The following RNF111 variants were observed in gnomAD, a reference collection of about 807,000 sequenced individuals.
RNF111 encodes the protein E3 ubiquitin-protein ligase Arkadia.
Under a neutral mutation model 95.1 loss-of-function variants are expected in RNF111, and 17 were observed. The ratio of observed to expected loss-of-function variants is 0.18; its 90% confidence interval spans 0.12 to 0.27. The LOEUF is 0.27. Ranked by LOEUF, RNF111 falls within the 10% of genes least tolerant of loss-of-function variation. The pLI is 1.00. For missense variants in RNF111, 1,189 were observed against 1,210.4 expected (o/e 0.98, Z 0.26); for synonymous variants, 440 against 414.8 (o/e 1.06, Z -0.74).
intron 1 of RNF111, among the ~76,000 whole-genome samples, chr15:58,991,401 G>T (rs2038810778): frequency 6.6e-6 from 1 of 152,180 alleles, no homozygotes; most frequent in African/African-American, 2.4e-5. Flanking sequence ...CATGTTCTAG[G>T]CACAGTCACT....
chr15:59,076,014 C>T lies in RNF111; in HGVS notation c.1747C>T (p.His583Tyr), dbSNP rs757382776. The T allele has an allele frequency of 1.4e-4, 219 of 1,614,098 alleles. No homozygotes were observed. Among genetic ancestry groups the T allele is most frequent in the Non-Finnish European group, 1.7e-4 (200 of 1,180,044 alleles). Reference sequence around the variant, plus strand: ...CAGAAGTCATGGAAGTGGCAGTTTTCATGGAGCATCTGCATTTGACCCCTG... The same window carrying T: ...CAGAAGTCATGGAAGTGGCAGTTTTTATGGAGCATCTGCATTTGACCCCTG... ...GIRSHGSGSF[H>Y]GASAFDPCCP... is the part of the protein sequence containing the mutation. The change falls in exon 7 of 14, where the codon CAT (histidine) becomes TAT (tyrosine). Residue 583 changes from histidine (H) to tyrosine (Y), a missense_variant. His to Tyr is a moderately conservative substitution (Grantham distance 83). Transcript: ENST00000348370.
intron 1 of RNF111, among the ~76,000 whole-genome samples, chr15:58,990,564 G>T (rs1457061642): frequency 6.6e-6 from 1 of 152,160 alleles, no homozygotes; most frequent in East Asian, 1.9e-4. Context: ...GCAGGAGAAT[G>T]GCTTGAACCT....
At chr15:59,031,757 T>A (rs2040921625) in intron 2 of RNF111, 55 bp downstream of exon 2, 8 of 1,490,404 alleles carry the variant, frequency 5.4e-6, no homozygotes, top group Middle Eastern at 1.8e-4. Flanking sequence ...CATTTGTGCT[T>A]AATTTTTTGT....
intron 5 of RNF111, among the ~76,000 whole-genome samples, chr15:59,062,688 G>C (rs1305841876): frequency 6.6e-6 from 1 of 152,130 alleles, no homozygotes; most frequent in African/African-American, 2.4e-5. Flanking sequence ...TAACCAGTAA[G>C]GCAGATTTTA....
At chr15:59,054,785 C>G (rs1413244407) in intron 3 of RNF111, among the ~76,000 whole-genome samples, 2 of 152,142 alleles carry the variant, frequency 1.3e-5, no homozygotes, top group Non-Finnish European at 2.9e-5. Flanking sequence ...GCACCCACCC[C>G]CAATGACCTT....
At chr15:59,084,353 T>A in intron 9 of RNF111, 99 bp downstream of exon 9, 2 of 1,199,278 alleles carry the variant, frequency 1.7e-6, no homozygotes, top group Non-Finnish European at 2.2e-6. Flanking sequence ...AAGGATGATG[T>A]GGAGAAACCT....
intron 1 of RNF111, among the ~76,000 whole-genome samples, chr15:59,000,357 T>G (rs1232002654): frequency 6.7e-6 from 1 of 149,962 alleles, no homozygotes; most frequent in East Asian, 2.0e-4. Context: ...AGAGACGGGT[T>G]TCACCATGTT....
chr15:59,012,622 A>T (rs2039879157), intron 1 of RNF111, among the ~76,000 whole-genome samples: 1 of 152,182 alleles, frequency 6.6e-6, no homozygotes, highest in African/African-American at 2.4e-5. Context: ...AAAATTACGT[A>T]TAATTTTTTG....
intron 1 of RNF111, among the ~76,000 whole-genome samples, chr15:58,992,374 A>G (rs1283256530): frequency 6.6e-6 from 1 of 152,186 alleles, no homozygotes; most frequent in Admixed American, 6.5e-5. Context: ...GATACCAGAT[A>G]AAAACCAAAA....
rs767204442 is a variant in RNF111 at position 58,991,875 on chromosome 15, A to G, written c.-20+3807A>G. ...AACCAATTGTAGAAAGTCATTTTTG[A>G]AACATTGGGGGAAATCTGAATATGG... On this transcript the variant is annotated intron_variant, in intron 1 of 13. Transcript: ENST00000348370. Among the ~76,000 whole-genome samples, 73 of 152,288 alleles carry G rather than the reference A, an allele frequency of 4.8e-4. 1 individual carries two copies. The highest frequency in any genetic ancestry group is 4.3e-4 in the Non-Finnish European group (29 of 68,020).
intron 7 of RNF111, among the ~76,000 whole-genome samples, chr15:59,079,703 A>G: frequency 6.6e-6 from 1 of 151,956 alleles, no homozygotes; most frequent in African/African-American, 2.4e-5. Flanking sequence ...TCTAAGAGTA[A>G]GGAAGATGTG....
At chr15:59,006,071 C>T (rs75834274) in intron 1 of RNF111, among the ~76,000 whole-genome samples, 2,258 of 152,190 alleles carry the variant, frequency 0.015, 44 homozygotes, top group East Asian at 0.031. Flanking sequence ...CTCCAGTAGG[C>T]GTGGTCATTG....
chr15:59,067,218 C>G (rs1302874781), intron 6 of RNF111, 135 bp downstream of exon 6: 7 of 743,714 alleles, frequency 9.4e-6, no homozygotes, highest in Non-Finnish European at 1.5e-5. Context: ...CTGCTTTCTT[C>G]CCTCCCTGCC....
At chr15:59,076,276 C>T in intron 7 of RNF111, 61 bp downstream of exon 7, 1 of 1,543,692 alleles carries the variant, frequency 6.5e-7, no homozygotes, top group Non-Finnish European at 8.8e-7. Flanking sequence ...TTTTGTACTT[C>T]CTTATGAAAT....
chr15:59,019,505 G>A (rs1192968135), intron 1 of RNF111, among the ~76,000 whole-genome samples: 2 of 152,042 alleles, frequency 1.3e-5, no homozygotes, highest in Non-Finnish European at 2.9e-5. Context: ...AGGATTGTCT[G>A]TTACATCCTG....
chr15:59,037,176 G>T (rs1454969979), intron 2 of RNF111, among the ~76,000 whole-genome samples: 1 of 152,022 alleles, frequency 6.6e-6, no homozygotes, highest in Admixed American at 6.6e-5. Context: ...GAAAATATTT[G>T]CTTCTTGCTG....
intron 10 of RNF111, among the ~76,000 whole-genome samples, chr15:59,086,148 C>T (rs1303670663): frequency 1.3e-5 from 2 of 151,874 alleles, no homozygotes; most frequent in African/African-American, 4.8e-5. Flanking sequence ...TCGACAGAGT[C>T]TCACTCTGTC....
intron 1 of RNF111, among the ~76,000 whole-genome samples, chr15:58,996,515 A>T (rs2039078576): frequency 3.3e-5 from 5 of 151,726 alleles, no homozygotes; most frequent in Admixed American, 3.3e-4. Context: ...TGGGAGGTGG[A>T]GGTTGCAGTG....
intron 1 of RNF111, among the ~76,000 whole-genome samples, chr15:59,012,338 C>G (rs1309574390): frequency 1.3e-5 from 2 of 152,056 alleles, no homozygotes; most frequent in East Asian, 3.9e-4. Flanking sequence ...GTCTTAATTT[C>G]CACTTAGGTA....
Sources: gnomAD v4.1 joint callset for allele counts (sites outside exome capture counted in the v4.1 genomes callset) on GRCh38, gnomAD v4.1.1 for gene constraint, MANE v1.5 for transcripts, NCBI Gene and HGNC (gene_info 2026-07-23, HGNC 2026-07-21) for gene names.